EGFR: variants seen among roughly 807,000 people sequenced by gnomAD.
EGFR encodes avian erythroblastic leukemia viral (v-erb-b) oncogene homolog.
A neutral mutation model predicts 143.0 loss-of-function variants in EGFR; 58 were observed. The ratio of observed to expected loss-of-function variants is 0.41; its 90% CI spans 0.33 to 0.50. The LOEUF (loss-of-function observed/expected upper bound fraction) is 0.50, where lower values mean the gene tolerates loss of function less well. Ranked by LOEUF, EGFR falls within the 20% of genes least tolerant of loss-of-function variation. The probability of loss-of-function intolerance (pLI) is 0.39; values close to 1 mark genes in which losing one functional copy is unlikely to be tolerated. For missense variants in EGFR, 1,307 were observed against 1,579.0 expected (o/e 0.83, Z 2.92); for synonymous variants, 613 against 594.4 (o/e 1.03, Z -0.45).
At chr7:55,162,261 C>T (rs975238700) in intron 13 of EGFR, among the ~76,000 whole-genome samples, 5 of 152,170 alleles carry the variant, frequency 3.3e-5, no homozygotes, top group Non-Finnish European at 7.3e-5. Context: ...GAAAGTAAAA[C>T]TGAAGGATAG....
chr7:55,173,249 A>C, intron 17 of EGFR, 125 bp downstream of exon 17: 3 of 1,388,482 alleles, frequency 2.2e-6, no homozygotes, highest in Non-Finnish European at 2.9e-6. Flanking sequence ...ATGCAGAAAG[A>C]ATCTCTGAAT....
chr7:55,098,331 C>A (rs919875704), intron 1 of EGFR, among the ~76,000 whole-genome samples: 12 of 152,204 alleles, frequency 7.9e-5, no homozygotes, highest in Non-Finnish European at 1.6e-4. Flanking sequence ...GAGAACTGCT[C>A]TCTCCTGAGG....
At chr7:55,148,379 G>A (rs1349480471) in intron 4 of EGFR, among the ~76,000 whole-genome samples, 1 of 152,052 alleles carries the variant, frequency 6.6e-6, no homozygotes, top group Non-Finnish European at 1.5e-5. Flanking sequence ...ACAACTGTGG[G>A]AAAGACCCAC....
rs752049412 is a variant in EGFR at position 55,209,761 on chromosome 7, G to T, written c.*4144G>T. ...AAATCTATTTTTGTAACTTTGTTGCGGGATATAGTTCTCTTTATGTAGCAC... is the reference window on the plus strand; with the variant it reads ...AAATCTATTTTTGTAACTTTGTTGCTGGATATAGTTCTCTTTATGTAGCAC... On this transcript the variant is annotated 3_prime_UTR_variant, in exon 28 of 28. Transcript: ENST00000275493. The T allele has an allele frequency of 1.3e-5, 2 of 152,066 alleles. No homozygotes were observed. Among genetic ancestry groups the T allele is most frequent in the Non-Finnish European group, 2.9e-5 (2 of 68,026 alleles). 9.4% of individuals were successfully genotyped at this position (152,066 alleles called of 1,614,324 possible).
chr7:55,077,443 A>T (rs1295127535), intron 1 of EGFR, among the ~76,000 whole-genome samples: 2 of 152,176 alleles, frequency 1.3e-5, no homozygotes, highest in East Asian at 1.9e-4. Flanking sequence ...TCTGATCTTG[A>T]TCTTGTCATT....
intron 1 of EGFR, among the ~76,000 whole-genome samples, chr7:55,076,098 A>G (rs1790118772): frequency 6.6e-6 from 1 of 152,224 alleles, no homozygotes; most frequent in African/African-American, 2.4e-5. Context: ...TCTTTGGGAT[A>G]CTGGTATGGT....
At chr7:55,126,018 C>T (rs1440444057) in intron 1 of EGFR, among the ~76,000 whole-genome samples, 1 of 152,154 alleles carries the variant, frequency 6.6e-6, no homozygotes, top group African/African-American at 2.4e-5. Context: ...TTTCACAGTC[C>T]CTCTCCTCCT....
At chr7:55,169,999 G>A (rs1248200473) in intron 15 of EGFR, among the ~76,000 whole-genome samples, 3 of 152,210 alleles carry the variant, frequency 2.0e-5, no homozygotes, top group African/African-American at 7.2e-5. Context: ...ACTGCTTTCT[G>A]TCTCAGACTG....
chr7:55,142,651 G>A (rs1348293549), intron 2 of EGFR, among the ~76,000 whole-genome samples: 1 of 152,190 alleles, frequency 6.6e-6, no homozygotes, highest in Non-Finnish European at 1.5e-5. Flanking sequence ...GGCTAATCTG[G>A]AGTTCCATGT....
chr7:55,025,062 A>G (rs1311153343), intron 1 of EGFR, among the ~76,000 whole-genome samples: 1 of 152,214 alleles, frequency 6.6e-6, no homozygotes, highest in Admixed American at 6.5e-5. Flanking sequence ...TAGTAATTCA[A>G]ATGGCAGGAA....
chr7:55,135,088 TGAACTCCCAAGAGGGTGG>T (rs1447665911), intron 1 of EGFR, among the ~76,000 whole-genome samples: 1 of 152,168 alleles, frequency 6.6e-6, no homozygotes, highest in South Asian at 2.1e-4. Flanking sequence ...GAAGCATCAG[TGAACTCCCAAGAGGGTGG>T]GAACTCCCAA....
chr7:55,181,366 T>C lies in EGFR; in HGVS notation c.2357T>C (p.Val786Ala). The change falls in exon 20 of 28, where the codon GTG becomes GCG. Residue 786 changes from valine to alanine, a missense_variant. Physicochemically the swap from Val to Ala is moderately conservative, Grantham distance 64. Coordinates refer to ENST00000275493, the MANE Select transcript of EGFR (RefSeq NM_005228.5). ...CTGGGCATCTGCCTCACCTCCACCG[T>C]GCAGCTCATCACGCAGCTCATGCCC... The part of the protein sequence containing the change: ...RLLGICLTST[V>A]QLITQLMPFG... 1 of 1,614,220 alleles carries C rather than the reference T, an allele frequency of 6.2e-7. No individual in the cohort carries two copies. Among genetic ancestry groups the C allele is most frequent in the Non-Finnish European group, 8.5e-7 (1 of 1,180,030 alleles).
At chr7:55,096,963 C>G (rs752407827) in intron 1 of EGFR, among the ~76,000 whole-genome samples, 7 of 152,134 alleles carry the variant, frequency 4.6e-5, no homozygotes, top group African/African-American at 1.4e-4. Context: ...CCTTACCCCC[C>G]CAGCTCCTCA....
chr7:55,172,091 C>G (rs1011638080), intron 16 of EGFR, among the ~76,000 whole-genome samples: 2 of 152,204 alleles, frequency 1.3e-5, no homozygotes, highest in African/African-American at 4.8e-5. Context: ...GCAGAACTTC[C>G]CCACTCCACA....
intron 1 of EGFR, among the ~76,000 whole-genome samples, chr7:55,051,791 G>A (rs1788506883): frequency 2.0e-5 from 3 of 152,110 alleles, no homozygotes; most frequent in Admixed American, 6.6e-5. Flanking sequence ...TCACCCACTG[G>A]CTCACACAGA....
chr7:55,156,241 G>A (rs962964729), intron 8 of EGFR, among the ~76,000 whole-genome samples: 2 of 152,326 alleles, frequency 1.3e-5, no homozygotes, highest in African/African-American at 4.8e-5. Context: ...AAGCAGTGCA[G>A]CTCCAAGCGG....
At chr7:55,035,727 A>G (rs1562656506) in intron 1 of EGFR, among the ~76,000 whole-genome samples, 1 of 152,016 alleles carries the variant, frequency 6.6e-6, no homozygotes, top group Non-Finnish European at 1.5e-5. Context: ...TACTAAAAAC[A>G]AAACAGAATG....
At chr7:55,071,712 A>G (rs1789843626) in intron 1 of EGFR, among the ~76,000 whole-genome samples, 1 of 152,266 alleles carries the variant, frequency 6.6e-6, no homozygotes, top group African/African-American at 2.4e-5. Flanking sequence ...CTTATATACT[A>G]ATAATATGTT....
At chr7:55,141,435 A>G (rs1794451197) in intron 1 of EGFR, among the ~76,000 whole-genome samples, 1 of 152,132 alleles carries the variant, frequency 6.6e-6, no homozygotes, top group Non-Finnish European at 1.5e-5. Flanking sequence ...AACATTAGGA[A>G]CTCAAGCATA....
Sources: gnomAD v4.1 joint callset for allele counts (sites outside exome capture counted in the v4.1 genomes callset) on GRCh38, gnomAD v4.1.1 for gene constraint, MANE v1.5 for transcripts, NCBI Gene and HGNC (gene_info 2026-07-23, HGNC 2026-07-21) for gene names.